The following RTN1 variants were observed in gnomAD, a reference collection of about 807,000 sequenced individuals.
RTN1 encodes the protein reticulon 1.
In RTN1, 25 loss-of-function variants were observed where a neutral mutation model predicts 65.5. The observed-to-expected ratio is 0.38, with a 90% confidence interval of 0.28 to 0.53. RTN1 has a LOEUF of 0.53. Ranked by LOEUF, RTN1 falls within the 20% of genes least tolerant of loss-of-function variation. The probability of loss-of-function intolerance (pLI) is 0.79; values close to 1 mark genes in which losing one functional copy is unlikely to be tolerated. For synonymous variants in RTN1, 471 were observed against 447.6 expected (o/e 1.05, Z -0.66); for missense variants, 983 against 1,025.4 (o/e 0.96, Z 0.57).
chr14:59,853,062 G>C (rs1887537939), intron 1 of RTN1, among the ~76,000 whole-genome samples: 1 of 152,154 alleles, frequency 6.6e-6, no homozygotes, highest in African/African-American at 2.4e-5. Context: ...ATCTCTATGA[G>C]AGTATCTGGA....
At chr14:59,697,538 C>T (rs1425681192) in intron 3 of RTN1, among the ~76,000 whole-genome samples, 3 of 152,082 alleles carry the variant, frequency 2.0e-5, no homozygotes, top group African/African-American at 4.8e-5. Context: ...AAAGATAATG[C>T]AACAGGGATA....
At chr14:59,751,571 A>T (rs956618465) in intron 1 of RTN1, among the ~76,000 whole-genome samples, 2 of 152,164 alleles carry the variant, frequency 1.3e-5, no homozygotes, top group Non-Finnish European at 2.9e-5. Flanking sequence ...TGTCCATATA[A>T]ATGAATAGTC....
intron 3 of RTN1, among the ~76,000 whole-genome samples, chr14:59,665,866 G>A (rs1425929273): frequency 6.6e-6 from 1 of 152,076 alleles, no homozygotes; most frequent in East Asian, 1.9e-4. Context: ...AATGGTAAAG[G>A]GATCAACGCA....
chr14:59,659,897 C>G (rs1883207581), intron 3 of RTN1, among the ~76,000 whole-genome samples: 1 of 152,074 alleles, frequency 6.6e-6, no homozygotes, highest in Non-Finnish European at 1.5e-5. Flanking sequence ...ACAATATTAA[C>G]CTTAAATGTA....
chr14:59,661,258 C>CAAA (rs1883239412), intron 3 of RTN1, among the ~76,000 whole-genome samples: 1 of 20,732 alleles, frequency 4.8e-5, no homozygotes, highest in African/African-American at 1.4e-4. Context: ...AGCCTACCAA[C>CAAA]CAAAAAAAAA....
chr14:59,730,460 T>C (rs1884875184), intron 2 of RTN1, among the ~76,000 whole-genome samples: 1 of 152,302 alleles, frequency 6.6e-6, no homozygotes, highest in Non-Finnish European at 1.5e-5. Context: ...TGACCTTGGA[T>C]TAGAAATCGT....
chr14:59,679,817 T>G (rs201692511), intron 3 of RTN1, among the ~76,000 whole-genome samples: 2 of 152,208 alleles, frequency 1.3e-5, no homozygotes, highest in Admixed American at 6.5e-5. Context: ...GACTTGCATA[T>G]AATTTTCCAG....
intron 8 of RTN1, among the ~76,000 whole-genome samples, chr14:59,597,495 C>T (rs747899641): frequency 2.0e-5 from 3 of 152,180 alleles, no homozygotes; most frequent in Non-Finnish European, 2.9e-5. Context: ...ATGAGCTTAT[C>T]GTGCAGATTT....
intron 3 of RTN1, among the ~76,000 whole-genome samples, chr14:59,617,365 G>A (rs1882131310): frequency 6.6e-6 from 1 of 152,140 alleles, no homozygotes; most frequent in South Asian, 2.1e-4. Context: ...CCCATTGCTG[G>A]GCTCAGCTTT....
intron 3 of RTN1, among the ~76,000 whole-genome samples, chr14:59,722,097 C>T (rs1884660503): frequency 6.6e-6 from 1 of 152,076 alleles, no homozygotes; most frequent in Non-Finnish European, 1.5e-5. Context: ...GGATAAATTC[C>T]TAACAGTATT....
intron 1 of RTN1, among the ~76,000 whole-genome samples, chr14:59,827,085 T>C (rs1299846471): frequency 6.6e-6 from 1 of 151,968 alleles, no homozygotes; most frequent in East Asian, 1.9e-4. Context: ...TTGTTGTTGT[T>C]GTTGTTGTTT....
At chr14:59,719,994 A>T (rs1024122289) in intron 3 of RTN1, among the ~76,000 whole-genome samples, 2 of 152,196 alleles carry the variant, frequency 1.3e-5, no homozygotes, top group Non-Finnish European at 2.9e-5. Context: ...GGTTGACTCG[A>T]TTCCATTTCA....
intron 1 of RTN1, among the ~76,000 whole-genome samples, chr14:59,863,248 C>T (rs1489816367): frequency 6.6e-6 from 1 of 152,158 alleles, no homozygotes; most frequent in Non-Finnish European, 1.5e-5. Flanking sequence ...ACTCTCCATA[C>T]AGTTACCTCT....
intron 3 of RTN1, among the ~76,000 whole-genome samples, chr14:59,636,280 C>T (rs1882663355): frequency 6.6e-6 from 1 of 152,104 alleles, no homozygotes; most frequent in African/African-American, 2.4e-5. Context: ...GCACCATCCC[C>T]TTGGTGATAA....
intron 1 of RTN1, among the ~76,000 whole-genome samples, chr14:59,778,106 C>T (rs1236935726): frequency 6.6e-6 from 1 of 152,108 alleles, no homozygotes; most frequent in Non-Finnish European, 1.5e-5. Flanking sequence ...GTCTTATCCT[C>T]CAGATCTTTG....
intron 3 of RTN1, among the ~76,000 whole-genome samples, chr14:59,685,230 G>C (rs928306541): frequency 6.6e-6 from 1 of 152,150 alleles, no homozygotes. Flanking sequence ...GGGAAAAGTT[G>C]AGAGCTTTTC....
intron 3 of RTN1, among the ~76,000 whole-genome samples, chr14:59,703,757 C>T (rs1485773309): frequency 6.6e-6 from 1 of 152,144 alleles, no homozygotes; most frequent in Non-Finnish European, 1.5e-5. Context: ...GATGTAACAA[C>T]AAATATTTGT....
chr14:59,786,581 A>G (rs747396676), intron 1 of RTN1, among the ~76,000 whole-genome samples: 1 of 152,196 alleles, frequency 6.6e-6, no homozygotes, highest in Admixed American at 6.5e-5. Context: ...CAGATTTTTC[A>G]TTTTGACAAA....
chr14:59,840,061 T>C (rs911080472), intron 1 of RTN1, among the ~76,000 whole-genome samples: 57 of 152,180 alleles, frequency 3.7e-4, no homozygotes, highest in Non-Finnish European at 6.8e-4. Context: ...CTTCTGGCTT[T>C]CAGAGCCCAT....
Sources: allele counts gnomAD v4.1 joint callset (sites outside exome capture counted in the v4.1 genomes callset), GRCh38; gene constraint gnomAD v4.1.1; transcripts MANE v1.5; gene names NCBI Gene and HGNC (gene_info 2026-07-23, HGNC 2026-07-21).